Variants in SNTG2 observed in about 807,000 individuals in gnomAD.
The protein encoded by SNTG2 is syntrophin gamma 2.
A neutral mutation model predicts 70.9 loss-of-function variants in SNTG2; 74 were observed. The ratio of observed to expected loss-of-function variants is 1.04; its 90% CI spans 0.86 to 1.27. SNTG2 has a LOEUF of 1.27. SNTG2 is among the 50% of genes most tolerant of loss of function. The pLI is 0.00. For missense variants in SNTG2, 717 were observed against 690.7 expected (o/e 1.04, Z -0.43); for synonymous variants, 278 against 273.8 (o/e 1.02, Z -0.15).
At chr2:1,177,938 C>G (rs1412959534) in intron 8 of SNTG2, among the ~76,000 whole-genome samples, 2 of 152,110 alleles carry the variant, frequency 1.3e-5, no homozygotes, top group Admixed American at 6.5e-5. Flanking sequence ...ATTAGCCAGA[C>G]TACTGTATTG....
chr2:1,211,794 A>G (rs1256287439), intron 9 of SNTG2, among the ~76,000 whole-genome samples: 1 of 152,220 alleles, frequency 6.6e-6, no homozygotes, highest in Non-Finnish European at 1.5e-5. Context: ...TATGGGAGCT[A>G]CAATTCAAGA....
At chr2:1,166,444 G>A (rs1300535920) in intron 7 of SNTG2, among the ~76,000 whole-genome samples, 2 of 152,156 alleles carry the variant, frequency 1.3e-5, no homozygotes, top group African/African-American at 4.8e-5. Flanking sequence ...CCCTCCCTGG[G>A]GGTTCATATT....
chr2:1,098,485 A>G lies in SNTG2; in HGVS notation c.325+75A>G, dbSNP rs1449243687. On this transcript the variant is annotated intron_variant, in intron 4 of 16. Transcript: ENST00000308624. ...TAACAAATTACTGAAAATGATAAAA[A>G]TCAGCAGATATGTGTTTTGCTCGAT... 4.1e-6 allele frequency: 6 copies of G among 1,457,620 alleles called. No homozygotes were observed. The Admixed American group carries it at 6.8e-5, about 17-fold the overall frequency. The allele number at this position is 1,457,620 out of a possible 1,614,324, so 90.3% of individuals were successfully genotyped here. A position where few individuals can be genotyped will look rare whatever the true frequency, so the allele number is the denominator to read the frequency against.
intron 1 of SNTG2, among the ~76,000 whole-genome samples, chr2:967,834 G>A (rs1660620029): frequency 6.6e-6 from 1 of 152,156 alleles, no homozygotes; most frequent in African/African-American, 2.4e-5. Flanking sequence ...ATTGAGACCA[G>A]CCTGGCCAAC....
chr2:1,323,804 C>T (rs955932847), intron 16 of SNTG2, among the ~76,000 whole-genome samples: 1 of 150,914 alleles, frequency 6.6e-6, no homozygotes, highest in African/African-American at 2.4e-5. Flanking sequence ...ACATGGCTAA[C>T]AGTCACATGG....
chr2:1,061,915 CAATT>C (rs1382084939), intron 1 of SNTG2, among the ~76,000 whole-genome samples: 3 of 151,974 alleles, frequency 2.0e-5, no homozygotes, highest in Admixed American at 6.6e-5. Flanking sequence ...ATAAATAAAA[CAATT>C]ACTAAAGAAA....
At position 1,127,156 on chromosome 2, in the gene SNTG2, G is replaced by A. The variant is rs140531343; in HGVS notation, c.326-10466G>A. ...TTTTTATACAAAGTGAGAGATGGGAGTCCAGTTTCCTTCTTCTGCAAGTGA... is the reference window on the plus strand; with the variant it reads ...TTTTTATACAAAGTGAGAGATGGGAATCCAGTTTCCTTCTTCTGCAAGTGA... On this transcript the variant is annotated intron_variant, in intron 4 of 16. Coordinates refer to ENST00000308624, the MANE Select transcript of SNTG2 (RefSeq NM_018968.4). Among the ~76,000 whole-genome samples the A allele has an allele frequency of 1.7e-3, 251 of 151,870 alleles. 1 individual carries two copies. The highest frequency in any genetic ancestry group is 5.7e-3 in the African/African-American group (237 of 41,444).
At chr2:1,192,865 G>A (rs1018793861) in intron 8 of SNTG2, among the ~76,000 whole-genome samples, 3 of 152,202 alleles carry the variant, frequency 2.0e-5, no homozygotes, top group Non-Finnish European at 4.4e-5. Context: ...CAGATTTATG[G>A]CAGATAAAGG....
At chr2:1,272,537 A>G (rs376233977) in intron 14 of SNTG2, among the ~76,000 whole-genome samples, 2 of 77,750 alleles carry the variant, frequency 2.6e-5, no homozygotes, top group Non-Finnish European at 5.0e-5. Context: ...ATCCCAGGAA[A>G]CAGGTACAGA....
At chr2:1,200,002 A>T (rs1341129056) in intron 8 of SNTG2, among the ~76,000 whole-genome samples, 1 of 152,042 alleles carries the variant, frequency 6.6e-6, no homozygotes, top group East Asian at 1.9e-4. Flanking sequence ...CTTTACAGAA[A>T]TAGAAGATAT....
At chr2:1,041,218 A>T (rs1661417391) in intron 1 of SNTG2, among the ~76,000 whole-genome samples, 1 of 152,188 alleles carries the variant, frequency 6.6e-6, no homozygotes, top group Non-Finnish European at 1.5e-5. Flanking sequence ...TGTAAAGAAC[A>T]GTTAACCATA....
intron 1 of SNTG2, among the ~76,000 whole-genome samples, chr2:984,775 T>C (rs1435185268): frequency 6.6e-6 from 1 of 152,188 alleles, no homozygotes; most frequent in African/African-American, 2.4e-5. Context: ...GTAACAGACG[T>C]CCAGGTGCTG....
intron 9 of SNTG2, among the ~76,000 whole-genome samples, chr2:1,231,445 C>T (rs892638274): frequency 6.6e-6 from 1 of 152,234 alleles, no homozygotes; most frequent in Non-Finnish European, 1.5e-5. Flanking sequence ...CTACTGCTGC[C>T]ACTATCATAT....
intron 1 of SNTG2, among the ~76,000 whole-genome samples, chr2:1,007,643 A>G (rs1659610655): frequency 6.6e-6 from 1 of 152,254 alleles, no homozygotes; most frequent in Non-Finnish European, 1.5e-5. Context: ...CCTAAAAATC[A>G]TCATAGAATG....
chr2:1,340,177 T>A (rs1260243894), intron 16 of SNTG2, among the ~76,000 whole-genome samples: 1 of 152,220 alleles, frequency 6.6e-6, no homozygotes, highest in Non-Finnish European at 1.5e-5. Flanking sequence ...TGTCTAAATT[T>A]ACTGATTTAG....
intron 14 of SNTG2, among the ~76,000 whole-genome samples, chr2:1,303,727 AAAAG>A (rs1035783790): frequency 6.6e-6 from 1 of 152,216 alleles, no homozygotes; most frequent in Non-Finnish European, 1.5e-5. Context: ...ACTCACAAAA[AAAAG>A]AGGAGAAAAA....
At chr2:1,053,775 A>T (rs1339955260) in intron 1 of SNTG2, among the ~76,000 whole-genome samples, 1 of 151,792 alleles carries the variant, frequency 6.6e-6, no homozygotes, top group Non-Finnish European at 1.5e-5. Context: ...ATTGATTCTG[A>T]TTACTTTAAC....
chr2:1,176,650 GA>G (rs58207101), intron 8 of SNTG2, among the ~76,000 whole-genome samples: 6,370 of 147,218 alleles, frequency 0.043, 236 homozygotes, highest in African/African-American at 0.1. Flanking sequence ...AAATTTACAA[GA>G]AAAAAAAAAA....
intron 10 of SNTG2, among the ~76,000 whole-genome samples, chr2:1,239,167 G>C (rs981064792): frequency 2.0e-5 from 3 of 152,172 alleles, no homozygotes; most frequent in Non-Finnish European, 2.9e-5. Flanking sequence ...CTTCAGTTCT[G>C]TCATTTCACA....
Sources: gnomAD v4.1 joint callset for allele counts (sites outside exome capture counted in the v4.1 genomes callset) on GRCh38, gnomAD v4.1.1 for gene constraint, MANE v1.5 for transcripts, NCBI Gene and HGNC (gene_info 2026-07-23, HGNC 2026-07-21) for gene names.